The following SCHIP1 variants were observed in gnomAD, a reference collection of about 807,000 sequenced individuals.
SCHIP1 encodes the protein schwannomin-interacting protein 1.
Under a neutral mutation model 29.7 loss-of-function variants are expected in SCHIP1, and 8 were observed. That is an observed-to-expected ratio of 0.27 (90% CI 0.16 to 0.49). The LOEUF (loss-of-function observed/expected upper bound fraction) is 0.49. Among genes scored for constraint, SCHIP1 ranks in the 20% least tolerant of loss-of-function variants. The pLI, the probability that SCHIP1 is intolerant of heterozygous loss-of-function variation, is 0.99. For missense variants in SCHIP1, 193 were observed against 294.6 expected (o/e 0.66, Z 2.52); for synonymous variants, 76 against 94.9 (o/e 0.80, Z 1.16).
At chr3:159,698,490 G>A in the SCHIP1 span, among the ~76,000 whole-genome samples, 2 of 152,172 alleles carry the variant, frequency 1.3e-5, no homozygotes, top group Non-Finnish European at 2.9e-5. Context: ...GTGCATTGTG[G>A]CAGAAAACAT....
rs1464884134 is a variant in SCHIP1, at chr3:159,847,969, G to A, written c.30+7755G>A. Among the ~76,000 whole-genome samples, 4 of 152,086 alleles carry A rather than the reference G, an allele frequency of 2.6e-5. No homozygotes were observed. The East Asian group carries it at 5.8e-4, about 22-fold the overall frequency. Reference sequence around the variant, plus strand: ...GGATGTTAAGGCCGAGGAGAAGGCAGTGGGAGATGAAGGGTTAATCAGGAT... The same window carrying A: ...GGATGTTAAGGCCGAGGAGAAGGCAATGGGAGATGAAGGGTTAATCAGGAT... On this transcript the variant is annotated intron_variant, in intron 1 of 6. Coordinates refer to ENST00000445224, the Ensembl canonical transcript of SCHIP1.
chr3:159,769,856 T>G, the SCHIP1 span, among the ~76,000 whole-genome samples: 2 of 152,248 alleles, frequency 1.3e-5, no homozygotes, highest in African/African-American at 2.4e-5. Context: ...GACATATGTA[T>G]GGCATATGTA....
At chr3:159,443,270 C>T in the SCHIP1 span, among the ~76,000 whole-genome samples, 1 of 152,270 alleles carries the variant, frequency 6.6e-6, no homozygotes, top group South Asian at 2.1e-4. Context: ...GGTGTTCTAT[C>T]TTCAGCTGAG....
At chr3:159,650,194 A>T in the SCHIP1 span, among the ~76,000 whole-genome samples, 1 of 152,156 alleles carries the variant, frequency 6.6e-6, no homozygotes, top group African/African-American at 2.4e-5. Context: ...CATGAGAGAG[A>T]TGGAGGAGAA....
At chr3:159,735,586 C>A in the SCHIP1 span, among the ~76,000 whole-genome samples, 1 of 152,158 alleles carries the variant, frequency 6.6e-6, no homozygotes, top group Admixed American at 6.6e-5. Context: ...TCTTCAAGAA[C>A]ATGATTATCC....
the SCHIP1 span, among the ~76,000 whole-genome samples, chr3:159,626,091 TAGATAGATAGATAGATAGATAGATAG>T: frequency 8.8e-4 from 24 of 27,388 alleles, 1 homozygote; most frequent in South Asian, 5.0e-3. Flanking sequence ...GCAGCTTATA[TAGATAGATAGATAGATAGATAGATAG>T]ATAGATAGAT....
chr3:159,329,565 G>T, the SCHIP1 span, among the ~76,000 whole-genome samples: 2 of 152,156 alleles, frequency 1.3e-5, no homozygotes, highest in African/African-American at 4.8e-5. Flanking sequence ...CAGAGTGAGG[G>T]CATGAGGATT....
At chr3:159,885,140 T>A (rs989850163) in intron 2 of SCHIP1, among the ~76,000 whole-genome samples, 1 of 152,190 alleles carries the variant, frequency 6.6e-6, no homozygotes, top group Non-Finnish European at 1.5e-5. Flanking sequence ...AATTGAAAAG[T>A]CAAATCTCAG....
intron 1 of SCHIP1, among the ~76,000 whole-genome samples, chr3:159,860,721 CT>C (rs1389478483): frequency 6.6e-6 from 1 of 152,204 alleles, no homozygotes; most frequent in Non-Finnish European, 1.5e-5. Flanking sequence ...ACTTTTCTTT[CT>C]CCCACTCCTT....
At chr3:159,508,507 T>A in the SCHIP1 span, among the ~76,000 whole-genome samples, 1 of 152,228 alleles carries the variant, frequency 6.6e-6, no homozygotes, top group African/African-American at 2.4e-5. Flanking sequence ...TGCCTTCTGC[T>A]AGCTTTTGAA....
the SCHIP1 span, chr3:159,808,636 C>T: frequency 1.3e-5 from 2 of 152,152 alleles, no homozygotes; most frequent in African/African-American, 4.8e-5. Context: ...TGAGATATGA[C>T]CATGAGGGCA....
chr3:159,388,400 A>C, the SCHIP1 span, among the ~76,000 whole-genome samples: 55,438 of 151,902 alleles, frequency 0.36, 11,517 homozygotes, highest in East Asian at 0.5. Context: ...GGGACCACAA[A>C]ATTTTTCTGA....
the SCHIP1 span, among the ~76,000 whole-genome samples, chr3:159,745,561 C>T: frequency 6.6e-6 from 1 of 152,250 alleles, no homozygotes; most frequent in African/African-American, 2.4e-5. Flanking sequence ...TCCCATTCCA[C>T]CCTCAGCCCA....
chr3:159,390,001 G>A, the SCHIP1 span, among the ~76,000 whole-genome samples: 9 of 152,090 alleles, frequency 5.9e-5, no homozygotes, highest in East Asian at 1.7e-3. Flanking sequence ...TTGCTCCATG[G>A]AATATTAAGC....
chr3:159,878,500 CG>C lies in SCHIP1; in HGVS notation c.150-7704del, dbSNP rs368583624. ...CTGTCTCAAAAAAATAAAAATAGGCCGGGCGCGGTGGCTCACGCCTGTAATC... is the reference window on the plus strand; with the variant it reads ...CTGTCTCAAAAAAATAAAAATAGGCCGGCGCGGTGGCTCACGCCTGTAATC... On this transcript the variant is annotated intron_variant, in intron 2 of 6. Coordinates refer to ENST00000445224, the Ensembl canonical transcript of SCHIP1. 3.0e-4 allele frequency among the ~76,000 whole-genome samples: 44 copies of C among 148,578 alleles called. No homozygotes were observed. In the East Asian group the frequency reaches 7.4e-3, roughly 25 times the overall value.
At chr3:159,560,075 GTTC>G in the SCHIP1 span, among the ~76,000 whole-genome samples, 1 of 152,186 alleles carries the variant, frequency 6.6e-6, no homozygotes, top group African/African-American at 2.4e-5. Flanking sequence ...GGTCAAGGAA[GTTC>G]TTCAATTTCT....
chr3:159,714,547 A>G, the SCHIP1 span, among the ~76,000 whole-genome samples: 1 of 152,194 alleles, frequency 6.6e-6, no homozygotes, highest in Admixed American at 6.5e-5. Flanking sequence ...CTCCCACCCT[A>G]ATACTGCACT....
chr3:159,827,069 A>C, the SCHIP1 span, among the ~76,000 whole-genome samples: 1 of 152,270 alleles, frequency 6.6e-6, no homozygotes, highest in Non-Finnish European at 1.5e-5. Context: ...GCTTTAGGAC[A>C]AAGCAAGTTA....
At chr3:159,820,632 A>C in the SCHIP1 span, among the ~76,000 whole-genome samples, 1 of 152,312 alleles carries the variant, frequency 6.6e-6, no homozygotes, top group Non-Finnish European at 1.5e-5. Context: ...TTGTGGGTGC[A>C]AGAGTGTTAG....
Sources: allele counts gnomAD v4.1 joint callset (sites outside exome capture counted in the v4.1 genomes callset), GRCh38; gene constraint gnomAD v4.1.1; transcripts MANE v1.5; gene names NCBI Gene and HGNC (gene_info 2026-07-23, HGNC 2026-07-21).